The following SCAPER variants were observed in gnomAD, a reference collection of about 807,000 sequenced individuals.
SCAPER encodes the protein S-phase cyclin A associated protein in the ER, also known as S phase cyclin A-associated protein in the endoplasmic reticulum.
SCAPER carries 98 observed loss-of-function variants against 182.2 expected under a neutral mutation model. The observed-to-expected ratio is 0.54, with a 90% CI of 0.46 to 0.64. The LOEUF is 0.64. SCAPER is among the 30% of genes least tolerant of loss of function. The probability of loss-of-function intolerance (pLI) is 0.00; values close to 1 mark genes in which losing one functional copy is unlikely to be tolerated. For missense variants in SCAPER, 1,432 were observed against 1,690.0 expected, an observed-to-expected ratio of 0.85 and a Z score of 2.68; for synonymous variants, 605 against 564.6, an observed-to-expected ratio of 1.07 and a Z score of -1.01.
intron 25 of SCAPER, among the ~76,000 whole-genome samples, chr15:76,440,458 T>C (rs1202773396): frequency 2.0e-5 from 3 of 152,160 alleles, no homozygotes; most frequent in Admixed American, 1.3e-4. Flanking sequence ...AGAGAGAAAA[T>C]AAAATTAGTA....
chr15:76,519,487 T>C (rs1597161897), intron 23 of SCAPER, among the ~76,000 whole-genome samples: 1 of 152,206 alleles, frequency 6.6e-6, no homozygotes, highest in Non-Finnish European at 1.5e-5. Flanking sequence ...AACTTTGTGA[T>C]ATAAGTGATT....
intron 2 of SCAPER, among the ~76,000 whole-genome samples, chr15:76,873,319 AAGGAAGGAAGGAAGGC>A (rs1203603946): frequency 8.2e-4 from 105 of 127,632 alleles, no homozygotes; most frequent in African/African-American, 2.1e-3. Flanking sequence ...GGAAGGAAGG[AAGGAAGGAAGGAAGGC>A]AGGCAGGCAG....
intron 23 of SCAPER, among the ~76,000 whole-genome samples, chr15:76,507,236 C>T (rs1386280216): frequency 6.6e-6 from 1 of 152,246 alleles, no homozygotes; most frequent in Middle Eastern, 3.4e-3. Context: ...ACTGGGGTTA[C>T]ACCTGCACAG....
chr15:76,813,865 T>C (rs947431249), intron 5 of SCAPER, among the ~76,000 whole-genome samples: 7 of 152,174 alleles, frequency 4.6e-5, no homozygotes, highest in Non-Finnish European at 1.0e-4. Flanking sequence ...TAAAAATTAA[T>C]ACTGTTAAAA....
chr15:76,903,255 C>T (rs2074899067), intron 1 of SCAPER, among the ~76,000 whole-genome samples: 1 of 152,112 alleles, frequency 6.6e-6, no homozygotes, highest in African/African-American at 2.4e-5. Flanking sequence ...ATCCTTTGGA[C>T]CAGTCACCAA....
intron 26 of SCAPER, among the ~76,000 whole-genome samples, chr15:76,426,543 AT>A (rs531889450): frequency 6.6e-6 from 1 of 151,772 alleles, no homozygotes; most frequent in Non-Finnish European, 1.5e-5. Context: ...CTGCCCGAGA[AT>A]TTTTTTTTAT....
chr15:76,764,960 C>A lies in SCAPER; in HGVS notation c.1725+1G>T. On this transcript the variant is annotated splice_donor_variant, in intron 14 of 31. Transcript: ENST00000563290. LOFTEE classifies it high-confidence loss of function. ...TAATTTCCTAAAAAATAAAAACTCACCCTTTCTAACAATTTCTGAAGCTTC... is the reference window on the plus strand; with the variant it reads ...TAATTTCCTAAAAAATAAAAACTCAACCTTTCTAACAATTTCTGAAGCTTC... 6.4e-7 allele frequency: 1 copy of A among 1,563,744 alleles called. No individual in the cohort carries two copies. The highest frequency in any genetic ancestry group is 8.7e-7 in the Non-Finnish European group (1 of 1,150,776).
chr15:76,766,995 C>G lies in SCAPER; in HGVS notation c.1342G>C (p.Glu448Gln), dbSNP rs1162765549. The G allele has an allele frequency of 6.8e-6, 11 of 1,607,836 alleles. No individual in the cohort carries two copies. Among genetic ancestry groups the G allele is most frequent in the Non-Finnish European group, 8.5e-6 (10 of 1,176,734 alleles). ...EAIASAIAEE[E>Q]QLTREIEAEE... ...GCTTCAATTTCTCTAGTTAACTGTT[C>G]TTCTTCAGCAATAGCACTAGCAATG... The change falls in exon 11 of 32, where the codon GAA becomes CAA. Residue 448 changes from glutamate to glutamine, a missense_variant. By Grantham distance (29) the Glu-to-Gln change is conservative. This residue lies in a region of SCAPER where 18 missense variants were observed against 46.0 expected (regional missense o/e 0.39). Transcript: ENST00000563290.
intron 2 of SCAPER, among the ~76,000 whole-genome samples, chr15:76,863,705 CT>C (rs889851189): frequency 6.6e-6 from 1 of 152,126 alleles, no homozygotes; most frequent in Non-Finnish European, 1.5e-5. Context: ...TGTTCATGCC[CT>C]CATGTAATCC....
chr15:76,841,721 A>G lies in SCAPER; in HGVS notation c.393+13T>C. 1 of 1,613,114 alleles carries G rather than the reference A, an allele frequency of 6.2e-7. No individual in the cohort carries two copies. Among genetic ancestry groups the G allele is most frequent in the African/African-American group, 1.3e-5 (1 of 75,028 alleles). On this transcript the variant is annotated intron_variant, in intron 5 of 31. Coordinates refer to ENST00000563290, the MANE Select transcript of SCAPER (RefSeq NM_020843.4). Reference sequence around the variant, plus strand: ...AGTTCAAATGGATTACAAGGCCTCAAAGCAAACCTTACCTTACATTCGACC... The same window carrying G: ...AGTTCAAATGGATTACAAGGCCTCAGAGCAAACCTTACCTTACATTCGACC...
intron 8 of SCAPER, among the ~76,000 whole-genome samples, chr15:76,789,901 T>C (rs981316807): frequency 6.6e-6 from 1 of 152,222 alleles, no homozygotes; most frequent in East Asian, 1.9e-4. Context: ...TTTTTATCAC[T>C]GTATTTAATT....
chr15:76,847,894 C>G (rs2070282270), intron 4 of SCAPER, among the ~76,000 whole-genome samples: 1 of 152,146 alleles, frequency 6.6e-6, no homozygotes, highest in Non-Finnish European at 1.5e-5. Context: ...GCACTCCAGC[C>G]TGGGAAACAG....
At chr15:76,542,997 C>A (rs2044910215) in intron 23 of SCAPER, among the ~76,000 whole-genome samples, 1 of 151,796 alleles carries the variant, frequency 6.6e-6, no homozygotes, top group South Asian at 2.1e-4. Context: ...ATATATATAC[C>A]CCAAACTCAG....
At chr15:76,866,837 T>G (rs182450323) in intron 2 of SCAPER, among the ~76,000 whole-genome samples, 1 of 151,620 alleles carries the variant, frequency 6.6e-6, no homozygotes, top group Admixed American at 6.6e-5. Context: ...CAAACAGTAT[T>G]TTTTTTTAAC....
intron 5 of SCAPER, among the ~76,000 whole-genome samples, chr15:76,827,121 AC>A (rs2068079163): frequency 6.6e-6 from 1 of 152,154 alleles, no homozygotes; most frequent in Non-Finnish European, 1.5e-5. Flanking sequence ...CTATTCTTCC[AC>A]CAAATTGACT....
At position 76,714,239 on chromosome 15, in the gene SCAPER, C is replaced by G. The variant is rs78264592; in HGVS notation, c.2166-8255G>C. On this transcript the variant is annotated intron_variant, in intron 17 of 31. Transcript: ENST00000563290. ...GGCGGGGTGGTGATGGATATATTAT[C>G]TTGATTGTGCAGATAGTTTCACAAT... is the stretch of plus-strand genomic sequence containing the variant. Among the ~76,000 whole-genome samples the G allele has an allele frequency of 4.1e-3, 631 of 152,164 alleles. 7 individuals are homozygous for G. Among genetic ancestry groups the G allele is most frequent in the African/African-American group, 0.015 (607 of 41,520 alleles).
intron 21 of SCAPER, among the ~76,000 whole-genome samples, chr15:76,651,629 CAAA>C (rs552478551): frequency 1.1e-5 from 1 of 94,690 alleles, no homozygotes; most frequent in Admixed American, 1.1e-4. Flanking sequence ...ACCTACCAAC[CAAA>C]AAAAAAAAAA....
intron 2 of SCAPER, among the ~76,000 whole-genome samples, chr15:76,878,219 T>C (rs1326373344): frequency 6.6e-6 from 1 of 152,142 alleles, no homozygotes; most frequent in Non-Finnish European, 1.5e-5. Flanking sequence ...ATATCATATA[T>C]GGATGTATGT....
At chr15:76,760,992 C>T (rs901340985) in intron 14 of SCAPER, among the ~76,000 whole-genome samples, 1 of 151,932 alleles carries the variant, frequency 6.6e-6, no homozygotes, top group Non-Finnish European at 1.5e-5. Flanking sequence ...TGGCCCTAGG[C>T]TTTTTTTGTT....
Sources: allele counts gnomAD v4.1 joint callset (sites outside exome capture counted in the v4.1 genomes callset), GRCh38; gene constraint gnomAD v4.1.1; regional missense constraint gnomAD v4.1.1; transcripts MANE v1.5; gene names NCBI Gene and HGNC (gene_info 2026-07-23, HGNC 2026-07-21).